The following NSUN7 variants were observed in gnomAD, a reference collection of about 807,000 sequenced individuals.
NSUN7 encodes protein NSUN7.
A neutral mutation model predicts 58.5 loss-of-function variants in NSUN7; 39 were observed. The ratio of observed to expected loss-of-function variants is 0.67; its 90% CI spans 0.52 to 0.87. The LOEUF is 0.87. Among genes scored for constraint, NSUN7 ranks in the 40% least tolerant of loss-of-function variants. The pLI, the probability that NSUN7 is intolerant of heterozygous loss-of-function variation, is 0.00. For missense variants in NSUN7, 765 were observed against 844.1 expected, an observed-to-expected ratio of 0.91 and a Z score of 1.16; for synonymous variants, 278 against 303.7, an observed-to-expected ratio of 0.92 and a Z score of 0.88.
At chr4:40,766,397 T>C (rs1055624843) in intron 4 of NSUN7, among the ~76,000 whole-genome samples, 3 of 151,874 alleles carry the variant, frequency 2.0e-5, no homozygotes, top group African/African-American at 7.3e-5. Flanking sequence ...TTGATTTGTG[T>C]ATATTGAACC....
At chr4:40,753,855 G>GGGAAAA (rs1307572383) in intron 2 of NSUN7, among the ~76,000 whole-genome samples, 1 of 152,038 alleles carries the variant, frequency 6.6e-6, no homozygotes, top group Non-Finnish European at 1.5e-5. Flanking sequence ...GGTTCTATAA[G>GGGAAAA]GGGGAGTTTC....
In NSUN7 at chr4:40,807,079, T is replaced by G; in HGVS notation, c.1419T>G (p.Leu473=). 1 of 1,551,790 alleles carries G rather than the reference T, an allele frequency of 6.4e-7. No homozygotes were observed. Among genetic ancestry groups the G allele is most frequent in the Non-Finnish European group, 8.7e-7 (1 of 1,146,930 alleles). ...GQPYRLSPPV[L]PLCSLKEIQL... is the part of the protein sequence containing the mutation. ...GCTGCAGGCTTAGTCCTCCTGTTCT[T>G]CCACTGTGCTCCTTAAAGGAAATTC... The change falls in exon 11 of 12, where the codon CTT becomes CTG. Residue 473 remains leucine, a synonymous_variant. Coordinates refer to ENST00000381782, the MANE Select transcript of NSUN7 (RefSeq NM_024677.6).
At position 40,808,884 on chromosome 4, in the gene NSUN7, A is replaced by C. The variant is rs1248338675; in HGVS notation, c.2102A>C (p.Lys701Thr). ...PTHSLSRKEE[K>T]PKDDTPSSLL... is the part of the protein sequence containing the mutation. ...CACTCACTATCCAGAAAAGAGGAAA[A>C]GCCTAAAGATGACACACCTTCCTCC... Residue 701 changes from lysine to threonine, a missense_variant, in exon 12 of 12, where the codon AAG (lysine) becomes ACG (threonine). Transcript: ENST00000381782. 1 of 1,545,210 alleles carries C rather than the reference A, an allele frequency of 6.5e-7. No homozygotes were observed. Among genetic ancestry groups the C allele is most frequent in the Non-Finnish European group, 8.7e-7 (1 of 1,146,500 alleles).
At chr4:40,801,591 A>C (rs1373387819) in intron 10 of NSUN7, among the ~76,000 whole-genome samples, 3 of 152,134 alleles carry the variant, frequency 2.0e-5, no homozygotes, top group Non-Finnish European at 2.9e-5. Flanking sequence ...TTAAATAAAT[A>C]CTTGAATTAA....
At chr4:40,790,510 T>C (rs895625067) in intron 7 of NSUN7, 92 bp from the exon 8 acceptor site, 43 of 810,054 alleles carry the variant, frequency 5.3e-5, no homozygotes, top group Non-Finnish European at 6.6e-5. Context: ...AGGTTGAGGA[T>C]TTTAAAATGT....
Position 40,808,895 on chromosome 4 carries a change from G to T in NSUN7, c.2113G>T (p.Asp705Tyr). 6.5e-7 allele frequency: 1 copy of T among 1,542,254 alleles called. No homozygotes were observed. The highest frequency in any genetic ancestry group is 8.7e-7 in the Non-Finnish European group (1 of 1,145,758). Residue 705 changes from aspartate to tyrosine, a missense_variant, in exon 12 of 12, where the codon GAC becomes TAC. Coordinates refer to ENST00000381782, the MANE Select transcript of NSUN7 (RefSeq NM_024677.6). The part of the protein sequence containing the change: ...LSRKEEKPKD[D>Y]TPSSLLRPPR... ...CAGAAAAGAGGAAAAGCCTAAAGAT[G>T]ACACACCTTCCTCCCTACTCAGGCC...
intron 2 of NSUN7, among the ~76,000 whole-genome samples, chr4:40,756,619 C>A (rs1577539658): frequency 6.6e-6 from 1 of 152,194 alleles, no homozygotes; most frequent in East Asian, 1.9e-4. Context: ...CTGGGTTTGA[C>A]TCCTTGATCT....
chr4:40,758,997 T>C (rs1433030020), intron 2 of NSUN7, among the ~76,000 whole-genome samples: 1 of 152,192 alleles, frequency 6.6e-6, no homozygotes, highest in African/African-American at 2.4e-5. Flanking sequence ...ATGCCTACCT[T>C]TCTGTTCAAC....
chr4:40,766,746 G>C (rs1202731335), intron 4 of NSUN7, among the ~76,000 whole-genome samples: 1 of 151,836 alleles, frequency 6.6e-6, no homozygotes, highest in African/African-American at 2.4e-5. Context: ...ATTGATTATT[G>C]CCACAGTTTC....
intron 11 of NSUN7, among the ~76,000 whole-genome samples, chr4:40,807,933 AG>A (rs1743878991): frequency 6.6e-6 from 1 of 150,882 alleles, no homozygotes; most frequent in Non-Finnish European, 1.5e-5. Context: ...CCAGCTACTC[AG>A]AAGGCTGAGG....
At chr4:40,759,361 A>G (rs1193049977) in intron 2 of NSUN7, among the ~76,000 whole-genome samples, 1 of 152,208 alleles carries the variant, frequency 6.6e-6, no homozygotes, top group Non-Finnish European at 1.5e-5. Flanking sequence ...ATGTATATAT[A>G]GTTTAAGTAG....
intron 7 of NSUN7, among the ~76,000 whole-genome samples, chr4:40,781,251 T>C (rs1055579953): frequency 6.6e-6 from 1 of 152,100 alleles, no homozygotes; most frequent in Non-Finnish European, 1.5e-5. Flanking sequence ...AGACATGCTA[T>C]GTTGGCCAGA....
At chr4:40,803,251 G>T (rs1743667966) in intron 10 of NSUN7, among the ~76,000 whole-genome samples, 1 of 152,062 alleles carries the variant, frequency 6.6e-6, no homozygotes, top group Non-Finnish European at 1.5e-5. Flanking sequence ...AAACATACGT[G>T]TGCATGTGTC....
Position 40,775,676 on chromosome 4 carries a change from A to G in NSUN7, c.826-373A>G, listed in dbSNP as rs1234435005. ...TTTTAATCTCTGTGAGCTAGTGGCA[A>G]TTTAGGTGACAAGGTAATGGGGAAG... On this transcript the variant is annotated intron_variant, in intron 6 of 11. Coordinates refer to ENST00000381782, the MANE Select transcript of NSUN7 (RefSeq NM_024677.6). This position sits in a 1 kb window ranked among gnomAD's most constrained non-coding sequence, Gnocchi z 4.3. Among the ~76,000 whole-genome samples, 1 of 152,150 alleles carries G rather than the reference A, an allele frequency of 6.6e-6. No homozygotes were observed. The highest frequency in any genetic ancestry group is 2.4e-5 in the African/African-American group (1 of 41,442).
In NSUN7 at chr4:40,797,026, G is replaced by A. The variant is rs187142468; in HGVS notation, c.1283-1761G>A. Among the ~76,000 whole-genome samples, 364 of 152,168 alleles carry A rather than the reference G, an allele frequency of 2.4e-3. 2 individuals are homozygous for A. The highest frequency in any genetic ancestry group is 8.1e-3 in the African/African-American group (337 of 41,506). ...TCGCCAGTGATCCCCATGCTGTTGTGTCAGTTGCCAGCCCTGGTCTACCTA... is the reference window on the plus strand; with the variant it reads ...TCGCCAGTGATCCCCATGCTGTTGTATCAGTTGCCAGCCCTGGTCTACCTA... On this transcript the variant is annotated intron_variant, in intron 9 of 11. Transcript: ENST00000381782.
intron 4 of NSUN7, among the ~76,000 whole-genome samples, chr4:40,762,134 G>A (rs917470016): frequency 7.2e-5 from 11 of 152,140 alleles, no homozygotes; most frequent in Admixed American, 4.6e-4. Context: ...CAGCAAGAAG[G>A]CCCTCACCAA....
chr4:40,751,734 C>A (rs1046128842), intron 2 of NSUN7, among the ~76,000 whole-genome samples: 1 of 152,062 alleles, frequency 6.6e-6, no homozygotes, highest in Non-Finnish European at 1.5e-5. Context: ...TTGCTCAGGC[C>A]TGTAATCCCA....
At chr4:40,766,636 G>C (rs1741742944) in intron 4 of NSUN7, among the ~76,000 whole-genome samples, 1 of 152,156 alleles carries the variant, frequency 6.6e-6, no homozygotes, top group African/African-American at 2.4e-5. Context: ...TCTATTGTTT[G>C]GAATAGTTTC....
intron 2 of NSUN7, among the ~76,000 whole-genome samples, chr4:40,754,234 G>C (rs1480924951): frequency 1.3e-5 from 2 of 149,478 alleles, no homozygotes; most frequent in African/African-American, 5.0e-5. Flanking sequence ...TGCAACCTCT[G>C]CCTCCCAGGT....
Sources: allele counts gnomAD v4.1 joint callset (sites outside exome capture counted in the v4.1 genomes callset), GRCh38; gene constraint gnomAD v4.1.1; non-coding constraint Gnocchi (gnomAD v3.1); transcripts MANE v1.5; gene names NCBI Gene and HGNC (gene_info 2026-07-23, HGNC 2026-07-21).